Variants in CSMD1 observed in about 807,000 individuals in gnomAD.
CSMD1 encodes the protein CUB and Sushi multiple domains 1.
Under a neutral mutation model 417.5 loss-of-function variants are expected in CSMD1, and 213 were observed. The observed-to-expected ratio is 0.51, with a 90% CI of 0.46 to 0.57. The LOEUF (loss-of-function observed/expected upper bound fraction) is 0.57, where lower values mean the gene tolerates loss of function less well. CSMD1 is among the 20% of genes least tolerant of loss of function. The pLI, the probability that CSMD1 is intolerant of heterozygous loss-of-function variation, is 0.00. For missense variants in CSMD1, 6,923 were observed against 4,529.7 expected (o/e 1.53, Z -15.17); for synonymous variants, 2,862 against 1,736.8 (o/e 1.65, Z -16.11).
intron 7 of CSMD1, among the ~76,000 whole-genome samples, chr8:3,694,709 G>A (rs1165003270): frequency 1.3e-5 from 2 of 151,832 alleles, no homozygotes; most frequent in East Asian, 2.0e-4. Flanking sequence ...GAATGAAAGG[G>A]GAGAACCTGG....
At chr8:4,086,291 C>G (rs552469332) in intron 3 of CSMD1, among the ~76,000 whole-genome samples, 8 of 152,222 alleles carry the variant, frequency 5.3e-5, no homozygotes, top group African/African-American at 1.9e-4. Flanking sequence ...CTCGAGGCCA[C>G]AAAAACAGTC....
intron 49 of CSMD1, among the ~76,000 whole-genome samples, chr8:3,069,959 A>C (rs1301173081): frequency 2.0e-5 from 3 of 152,212 alleles, no homozygotes; most frequent in African/African-American, 7.2e-5. Context: ...CTACAGGCTT[A>C]ACGCCACACG....
chr8:3,764,877 G>T (rs1030362853), intron 5 of CSMD1, among the ~76,000 whole-genome samples: 1 of 151,414 alleles, frequency 6.6e-6, no homozygotes, highest in African/African-American at 2.4e-5. Flanking sequence ...CTCCCAAGTA[G>T]TTGGGATTAA....
At chr8:3,906,641 A>G (rs1808131302) in intron 5 of CSMD1, among the ~76,000 whole-genome samples, 1 of 146,544 alleles carries the variant, frequency 6.8e-6, no homozygotes, top group African/African-American at 2.6e-5. Flanking sequence ...TTTTTTTTTC[A>G]GATTTGCAAA....
intron 10 of CSMD1, 48 bp downstream of exon 10, chr8:3,574,897 T>G: frequency 6.3e-7 from 1 of 1,598,762 alleles, no homozygotes; most frequent in Non-Finnish European, 8.5e-7. Context: ...ATAGATCCTA[T>G]AAGAGTGCTG....
At chr8:3,682,279 T>C (rs6996177) in intron 7 of CSMD1, among the ~76,000 whole-genome samples, 3 of 151,900 alleles carry the variant, frequency 2.0e-5, no homozygotes, top group African/African-American at 7.3e-5. Context: ...ATAAAATTTT[T>C]GCAATCTACT....
chr8:4,192,325 C>T (rs1385344355), intron 3 of CSMD1, among the ~76,000 whole-genome samples: 2 of 152,144 alleles, frequency 1.3e-5, no homozygotes. Context: ...TCCCATCAAG[C>T]TTCAGGAGGA....
At chr8:3,945,498 T>C (rs1811164859) in intron 5 of CSMD1, among the ~76,000 whole-genome samples, 1 of 152,112 alleles carries the variant, frequency 6.6e-6, no homozygotes, top group South Asian at 2.1e-4. Context: ...GAACTTCCCA[T>C]ATTTCCAAAG....
At chr8:3,458,407 A>C (rs977206816) in intron 12 of CSMD1, among the ~76,000 whole-genome samples, 4 of 152,180 alleles carry the variant, frequency 2.6e-5, no homozygotes, top group African/African-American at 4.8e-5. Flanking sequence ...GGAAATCAAG[A>C]GTCAATGGGT....
chr8:4,848,573 C>G (rs947779472), intron 1 of CSMD1, among the ~76,000 whole-genome samples: 3 of 151,430 alleles, frequency 2.0e-5, no homozygotes, highest in African/African-American at 7.3e-5. Context: ...GAGTCTCACT[C>G]TGTCACCCAG....
intron 7 of CSMD1, among the ~76,000 whole-genome samples, chr8:3,645,054 G>C (rs1050964544): frequency 2.0e-4 from 30 of 147,668 alleles, no homozygotes; most frequent in African/African-American, 6.9e-4. Context: ...TCTGCCTCAT[G>C]AAGATCCAGC....
chr8:4,332,484 CAGAT>C lies in CSMD1; in HGVS notation c.415+87465_415+87468del, dbSNP rs1799921904. On this transcript the variant is annotated intron_variant, in intron 3 of 69. Coordinates refer to ENST00000635120, the MANE Select transcript of CSMD1 (RefSeq NM_033225.6). ...ACTGTCTCTCCAACTGAGCACCTCA[CAGAT>C]AGGAGCTCTTCTTCTGGTTTTTGCT... 2.0e-5 allele frequency among the ~76,000 whole-genome samples: 3 copies of C among 151,796 alleles called. 1 individual carries two copies. The South Asian group carries it at 6.3e-4, about 32-fold the overall frequency.
intron 7 of CSMD1, among the ~76,000 whole-genome samples, chr8:3,672,001 G>T (rs2117540622): frequency 6.6e-6 from 1 of 152,240 alleles, no homozygotes; most frequent in Non-Finnish European, 1.5e-5. Context: ...AAAAATAATT[G>T]AGAACACAAA....
intron 49 of CSMD1, among the ~76,000 whole-genome samples, chr8:3,069,872 T>C (rs747171070): frequency 1.3e-5 from 2 of 152,252 alleles, no homozygotes; most frequent in Non-Finnish European, 2.9e-5. Context: ...TCTGCCTGGA[T>C]ACCCAGGGTT....
At chr8:4,113,722 G>A (rs563540965) in intron 3 of CSMD1, among the ~76,000 whole-genome samples, 2 of 152,134 alleles carry the variant, frequency 1.3e-5, no homozygotes, top group Non-Finnish European at 2.9e-5. Context: ...TCTTATAAGT[G>A]CATGAATGAG....
At chr8:4,620,881 A>G (rs1009077220) in intron 2 of CSMD1, among the ~76,000 whole-genome samples, 1 of 151,946 alleles carries the variant, frequency 6.6e-6, no homozygotes, top group East Asian at 1.9e-4. Flanking sequence ...AGTGAAAATA[A>G]GAGAAAAATT....
rs113515237 is a variant in CSMD1 at position 3,084,472 on chromosome 8, G to A, written c.7474+2625C>T. On this transcript the variant is annotated intron_variant, in intron 49 of 69. Coordinates refer to ENST00000635120, the MANE Select transcript of CSMD1 (RefSeq NM_033225.6). ...TGGGAGGCAGAAGTTGCCGTGAGCC[G>A]AGATCACATCCATTGTACTCTACCC... is the stretch of plus-strand genomic sequence containing the variant. Among the ~76,000 whole-genome samples the A allele has an allele frequency of 7.3e-3, 1,018 of 139,204 alleles. 9 individuals carry two copies. Among genetic ancestry groups the A allele is most frequent in the African/African-American group, 0.025 (941 of 37,180 alleles). 91.3% of individuals were successfully genotyped at this position (139,204 alleles called of 152,430 possible).
chr8:4,032,052 C>G lies in CSMD1; in HGVS notation c.463G>C (p.Val155Leu), dbSNP rs759214030. The change falls in exon 4 of 70, where the codon GTT (valine) becomes CTT (leucine). Residue 155 changes from valine to leucine, a missense_variant. Val to Leu is a conservative substitution (Grantham distance 32). Transcript: ENST00000635120. Reference protein sequence around the residue: ...CGNPGEILKGVLHGTRFNIGD... With the variant: ...CGNPGEILKGLLHGTRFNIGD... ...ATGTTGAATCTCGTTCCATGCAGAA[C>G]TCCTTTCAGGATTTCTCCAGGATTT... 6.2e-6 allele frequency: 10 copies of G among 1,613,780 alleles called. No individual in the cohort carries two copies. The Admixed American group carries it at 1.7e-4, about 27-fold the overall frequency.
Position 4,434,855 on chromosome 8 carries a change from G to A in CSMD1, c.303-14790C>T, listed in dbSNP as rs148584971. 5.3e-5 allele frequency among the ~76,000 whole-genome samples: 8 copies of A among 152,252 alleles called. No homozygotes were observed. In the East Asian group the frequency reaches 5.8e-4, roughly 11 times the overall value. On this transcript the variant is annotated intron_variant, in intron 2 of 69. Coordinates refer to ENST00000635120, the MANE Select transcript of CSMD1 (RefSeq NM_033225.6). ...ATCCATAGCTGTCTCCTGGGCAACC[G>A]CAAGAACAAACTACATCTTTTTCCT...
Sources: allele counts gnomAD v4.1 joint callset (sites outside exome capture counted in the v4.1 genomes callset), GRCh38; gene constraint gnomAD v4.1.1; transcripts MANE v1.5; gene names NCBI Gene and HGNC (gene_info 2026-07-23, HGNC 2026-07-21).